Variants in RANGAP1 observed in about 807,000 individuals in gnomAD.
RANGAP1 encodes ran GTPase-activating protein 1.
A neutral mutation model predicts 63.5 loss-of-function variants in RANGAP1; 38 were observed. The observed-to-expected ratio is 0.60, with a 90% CI of 0.46 to 0.78. The LOEUF is 0.78. Ranked by LOEUF, RANGAP1 falls within the 30% of genes least tolerant of loss-of-function variation. RANGAP1 has a pLI of 0.00. For missense variants in RANGAP1, 630 were observed against 740.3 expected, an observed-to-expected ratio of 0.85 and a Z score of 1.73; for synonymous variants, 329 against 310.5, an observed-to-expected ratio of 1.06 and a Z score of -0.63.
Position 41,257,335 on chromosome 22 carries a change from C to G in RANGAP1, c.775-511G>C, listed in dbSNP as rs561210254. 2.6e-5 allele frequency among the ~76,000 whole-genome samples: 4 copies of G among 152,330 alleles called. No individual in the cohort carries two copies. The highest frequency in any genetic ancestry group is 9.6e-5 in the African/African-American group (4 of 41,568). On this transcript the variant is annotated intron_variant, in intron 7 of 15. Transcript: ENST00000356244. This position sits in a 1 kb window ranked among gnomAD's most constrained non-coding sequence, Gnocchi z 4.0. ...AAGCCACTGCGTTCAGAGCCCAGCA[C>G]TGTTACCACTGGCAGCTTCCTTCCC...
intron 5 of RANGAP1, among the ~76,000 whole-genome samples, chr22:41,262,650 GGATCACGCACACAC>G (rs112792339): frequency 0.021 from 3,160 of 152,240 alleles, 126 homozygotes; most frequent in African/African-American, 0.073. Context: ...TGGTGATGGT[GGATCACGCACACAC>G]GATCACGCAC....
chr22:41,253,968 C>T (rs1411054217), intron 11 of RANGAP1, among the ~76,000 whole-genome samples: 2 of 151,862 alleles, frequency 1.3e-5, no homozygotes, highest in Non-Finnish European at 2.9e-5. Flanking sequence ...ATTAGCCAGG[C>T]GTGGTGGCAA....
At chr22:41,271,356 A>G (rs1209406221) in intron 3 of RANGAP1, among the ~76,000 whole-genome samples, 7 of 145,238 alleles carry the variant, frequency 4.8e-5, no homozygotes, top group Middle Eastern at 3.4e-3. Flanking sequence ...CCACTGCACT[A>G]CAGCCTGGGC....
chr22:41,286,885 C>A (rs1320313433), upstream of RANGAP1, among the ~76,000 whole-genome samples: 4 of 152,118 alleles, frequency 2.6e-5, no homozygotes, highest in African/African-American at 9.7e-5. Flanking sequence ...AGCTGAGGGA[C>A]ATGGTACAGA....
intron 8 of RANGAP1, 108 bp from the exon 9 acceptor site, chr22:41,256,398 C>CA: frequency 9.1e-7 from 1 of 1,102,460 alleles, no homozygotes; most frequent in Non-Finnish European, 1.3e-6. Context: ...GCTCTGTCCT[C>CA]CAGGTGGGGC....
intron 1 of RANGAP1, among the ~76,000 whole-genome samples, chr22:41,283,707 G>A (rs1224631578): frequency 6.6e-6 from 1 of 152,160 alleles, no homozygotes. Flanking sequence ...CAGGGCCAGT[G>A]GGGCTGAAGC....
intron 3 of RANGAP1, among the ~76,000 whole-genome samples, chr22:41,270,753 A>C (rs1347498555): frequency 6.6e-6 from 1 of 152,114 alleles, no homozygotes. Context: ...TCCACCAATA[A>C]AGCAGACCAT....
chr22:41,278,846 C>T (rs1394339920), intron 2 of RANGAP1, among the ~76,000 whole-genome samples: 1 of 152,002 alleles, frequency 6.6e-6, no homozygotes, highest in Admixed American at 6.6e-5. Flanking sequence ...ACTAAAAATA[C>T]AAAAATAAGG....
rs967840031 is a variant in RANGAP1, at chr22:41,245,181, A to G, written c.*1422T>C. 2.0e-5 allele frequency among the ~76,000 whole-genome samples: 3 copies of G among 152,208 alleles called. No individual in the cohort carries two copies. The highest frequency in any genetic ancestry group is 2.1e-4 in the South Asian group (1 of 4,830). ...TGGTCACCTACGTGGCCGACTGCCA[A>G]TGAGAAAATATTGCCCTCTAAGAAA... On this transcript the variant is annotated 3_prime_UTR_variant, in exon 16 of 16. Coordinates refer to ENST00000356244, the MANE Select transcript of RANGAP1 (RefSeq NM_002883.4).
At chr22:41,268,855 G>A (rs1395661837) in intron 3 of RANGAP1, among the ~76,000 whole-genome samples, 1 of 152,094 alleles carries the variant, frequency 6.6e-6, no homozygotes, top group Non-Finnish European at 1.5e-5. Context: ...AGGAGTTCCA[G>A]ACCAGTCTGG....
At chr22:41,247,201 GC>G (rs2033104922) in intron 15 of RANGAP1, among the ~76,000 whole-genome samples, 1 of 151,828 alleles carries the variant, frequency 6.6e-6, no homozygotes, top group Admixed American at 6.6e-5. Context: ...GACTACAGAC[GC>G]CCACCACCAT....
chr22:41,284,121 C>A (rs1045982314), intron 1 of RANGAP1, among the ~76,000 whole-genome samples: 5 of 152,072 alleles, frequency 3.3e-5, no homozygotes, highest in African/African-American at 1.2e-4. Flanking sequence ...GTGGCGGGGG[C>A]CTGTAGTCCC....
chr22:41,270,880 C>T (rs1405036237), intron 3 of RANGAP1, among the ~76,000 whole-genome samples: 1 of 152,218 alleles, frequency 6.6e-6, no homozygotes, highest in Non-Finnish European at 1.5e-5. Context: ...CACAGTCCCT[C>T]ACAACAGATA....
rs750438908 is a variant in RANGAP1 at position 41,268,102 on chromosome 22, C to T, written c.295G>A (p.Ala99Thr). The T allele has an allele frequency of 6.4e-7, 1 of 1,554,108 alleles. No homozygotes were observed. Among genetic ancestry groups the T allele is most frequent in the Non-Finnish European group, 8.7e-7 (1 of 1,146,702 alleles). ...AGAGCGGCTAGTTCGCTTACCAGGG[C>T]TGGTGGGATCTCGGTCCGCAGCCTT... ...TGRLRTEIPP[A>T]LISLGEGLIT... The change falls in exon 4 of 16, where the codon GCC (alanine) becomes ACC (threonine). Residue 99 changes from alanine to threonine, a missense_variant. Coordinates refer to ENST00000356244, the MANE Select transcript of RANGAP1 (RefSeq NM_002883.4).
At chr22:41,288,940 T>TTG (rs763356403), upstream of RANGAP1, among the ~76,000 whole-genome samples, 8 of 149,548 alleles carry the variant, frequency 5.3e-5, no homozygotes, top group African/African-American at 1.7e-4. Context: ...TTTTTTTTTT[T>TTG]GAGATGGAGT....
At chr22:41,295,498 C>A in the RANGAP1 span, among the ~76,000 whole-genome samples, 6,394 of 151,890 alleles carry the variant, frequency 0.042, 163 homozygotes, top group Non-Finnish European at 0.064. Context: ...TGCTTGAAGG[C>A]AGCATGCTCC....
chr22:41,246,799 C>G, intron 15 of RANGAP1, 127 bp from the exon 16 acceptor site: 1 of 887,840 alleles, frequency 1.1e-6, no homozygotes, highest in Non-Finnish European at 1.8e-6. Flanking sequence ...GAGACATTAG[C>G]CCTCTGCCTT....
At chr22:41,248,722 C>CCCTGGTGG (rs2033223749) in intron 15 of RANGAP1, among the ~76,000 whole-genome samples, 1 of 152,232 alleles carries the variant, frequency 6.6e-6, no homozygotes. Flanking sequence ...CCCGACCCCT[C>CCCTGGTGG]CCTGGTGGGG....
intron 10 of RANGAP1, among the ~76,000 whole-genome samples, chr22:41,255,105 A>G (rs1457738977): frequency 1.3e-5 from 2 of 152,008 alleles, no homozygotes; most frequent in African/African-American, 4.8e-5. Flanking sequence ...TGGCAGGAAC[A>G]CTGCCCAGGT....
Sources: allele counts gnomAD v4.1 joint callset (sites outside exome capture counted in the v4.1 genomes callset), GRCh38; gene constraint gnomAD v4.1.1; non-coding constraint Gnocchi (gnomAD v3.1); transcripts MANE v1.5; gene names NCBI Gene and HGNC (gene_info 2026-07-23, HGNC 2026-07-21).